DNAJC5: variants seen among roughly 807,000 people sequenced by gnomAD.
The protein encoded by DNAJC5 is dnaJ homolog subfamily C member 5.
In DNAJC5, 1 loss-of-function variant was observed where a neutral mutation model predicts 23.2. The ratio of observed to expected loss-of-function variants is 0.04; its 90% confidence interval spans 0.02 to 0.20. DNAJC5 has a LOEUF of 0.20. Among genes scored for constraint, DNAJC5 ranks in the 10% least tolerant of loss-of-function variants. The probability of loss-of-function intolerance (pLI) is 1.00; values close to 1 mark genes in which losing one functional copy is unlikely to be tolerated. For missense variants in DNAJC5, 180 were observed against 267.0 expected, an observed-to-expected ratio of 0.67 and a Z score of 2.27; for synonymous variants, 136 against 120.0, an observed-to-expected ratio of 1.13 and a Z score of -0.87.
chr20:63,899,865 G>A (rs896633369), intron 1 of DNAJC5, among the ~76,000 whole-genome samples: 30 of 148,388 alleles, frequency 2.0e-4, no homozygotes, highest in African/African-American at 7.0e-4. Context: ...GCAGGTGTGA[G>A]CCACTGCGCC....
At chr20:63,921,443 T>G (rs533214230) in intron 1 of DNAJC5, among the ~76,000 whole-genome samples, 1 of 151,952 alleles carries the variant, frequency 6.6e-6, no homozygotes, top group African/African-American at 2.4e-5. Flanking sequence ...TGCAAAAAAT[T>G]AGCCGGGCGT....
intron 1 of DNAJC5, among the ~76,000 whole-genome samples, chr20:63,923,716 C>T (rs143879845): frequency 1.3e-5 from 2 of 152,042 alleles, no homozygotes; most frequent in African/African-American, 4.8e-5. Context: ...TAAAGTCAGG[C>T]GGGGAAAAGA....
At position 63,931,694 on chromosome 20, in the gene DNAJC5, C is replaced by A; in HGVS notation, c.*126C>A. Reference sequence around the variant, plus strand: ...TGCCCTGGCCTTGCTGGGGCCCCTCCTGCCTCCACGCCCACCCAGCGTCGA... The same window carrying A: ...TGCCCTGGCCTTGCTGGGGCCCCTCATGCCTCCACGCCCACCCAGCGTCGA... On this transcript the variant is annotated 3_prime_UTR_variant, in exon 5 of 5. Transcript: ENST00000360864. This position sits in a 1 kb window ranked among gnomAD's most constrained non-coding sequence, Gnocchi z 9.6. The A allele has an allele frequency of 1.0e-6, 1 of 953,754 alleles. No homozygotes were observed. Among genetic ancestry groups the A allele is most frequent in the Non-Finnish European group, 1.6e-6 (1 of 616,102 alleles). The allele number at this position is 953,754 out of a possible 1,614,324, so 59.1% of individuals were successfully genotyped here.
intron 1 of DNAJC5, among the ~76,000 whole-genome samples, chr20:63,926,607 T>C (rs1438768365): frequency 6.6e-6 from 1 of 152,198 alleles, no homozygotes. Context: ...TGCCATTTGC[T>C]GAAGATTGAG....
rs58327827 is a variant in DNAJC5 at position 63,901,982 on chromosome 20, G to C, written c.-12+6659G>C. On this transcript the variant is annotated intron_variant, in intron 1 of 4. Transcript: ENST00000360864. ...GCGATAGGACTAGCTGTTAAAATCT[G>C]AGATTTTACATTTTTGCCAGTCGCA... Among the ~76,000 whole-genome samples the C allele has an allele frequency of 3.1e-4, 47 of 152,148 alleles. No homozygotes were observed. In the East Asian group the frequency reaches 8.7e-3, roughly 28 times the overall value.
At chr20:63,919,804 C>T (rs762602672) in intron 1 of DNAJC5, 1 of 265,486 alleles carries the variant, frequency 3.8e-6, no homozygotes, top group South Asian at 1.9e-5. Context: ...AGAGGACGCA[C>T]CCGGCTGTGT....
intron 1 of DNAJC5, among the ~76,000 whole-genome samples, chr20:63,897,028 G>A (rs2053380081): frequency 6.6e-6 from 1 of 152,102 alleles, no homozygotes; most frequent in African/African-American, 2.4e-5. Flanking sequence ...GGCTTGGAAG[G>A]GTGCATGGGA....
intron 1 of DNAJC5, among the ~76,000 whole-genome samples, chr20:63,914,923 G>A (rs1190823183): frequency 1.3e-5 from 2 of 152,194 alleles, no homozygotes; most frequent in East Asian, 1.9e-4. Context: ...GCCAGAGTGT[G>A]TAGCTTTTGT....
intron 1 of DNAJC5, among the ~76,000 whole-genome samples, chr20:63,899,109 G>T (rs2053392927): frequency 6.6e-6 from 1 of 152,154 alleles, no homozygotes; most frequent in Non-Finnish European, 1.5e-5. Context: ...TGAGGGTAGT[G>T]GTGCTTCCCC....
chr20:63,931,099 T>G lies in DNAJC5; in HGVS notation c.493+77T>G. On this transcript the variant is annotated intron_variant, in intron 4 of 4. Coordinates refer to ENST00000360864, the MANE Select transcript of DNAJC5 (RefSeq NM_025219.3). The surrounding 1 kb of genome is among the most constrained non-coding windows in gnomAD (Gnocchi z 9.6). ...GGCCCTGAATGGTGTCAACCTGTCT[T>G]GTCAAACAGGAGGGCACTGACACTG... The G allele has an allele frequency of 6.7e-7, 1 of 1,481,914 alleles. No individual in the cohort carries two copies. The highest frequency in any genetic ancestry group is 9.3e-7 in the Non-Finnish European group (1 of 1,072,732). 91.8% of individuals were successfully genotyped at this position (1,481,914 alleles called of 1,614,324 possible). A position where few individuals can be genotyped will look rare whatever the true frequency, so the allele number is the denominator to read the frequency against.
chr20:63,931,407 C>T lies in DNAJC5; in HGVS notation c.494-58C>T, dbSNP rs1011454795. On this transcript the variant is annotated intron_variant, in intron 4 of 4. Coordinates refer to ENST00000360864, the MANE Select transcript of DNAJC5 (RefSeq NM_025219.3). The surrounding 1 kb of genome is among the most constrained non-coding windows in gnomAD (Gnocchi z 9.6). The stretch of plus-strand genomic sequence containing the variant: ...CCCGAAAGTCGCTCCACAGGACCAG[C>T]GTTGGGTGCGCGCCAGGCTGTGGCC... 38 of 1,477,264 alleles carry T rather than the reference C, an allele frequency of 2.6e-5. No homozygotes were observed. The highest frequency in any genetic ancestry group is 2.1e-4 in the African/African-American group (15 of 71,796). The allele number at this position is 1,477,264 out of a possible 1,614,324, so 91.5% of individuals were successfully genotyped here. A position where few individuals can be genotyped will look rare whatever the true frequency, so the allele number is the denominator to read the frequency against.
intron 1 of DNAJC5, among the ~76,000 whole-genome samples, chr20:63,924,041 G>A (rs569882822): frequency 6.6e-6 from 1 of 152,260 alleles, no homozygotes; most frequent in South Asian, 2.1e-4. Flanking sequence ...GCTGTTGTGT[G>A]TGTGTCTTTT....
intron 1 of DNAJC5, among the ~76,000 whole-genome samples, chr20:63,904,794 GTTTT>G (rs1308113730): frequency 6.6e-6 from 1 of 151,106 alleles, no homozygotes; most frequent in Non-Finnish European, 1.5e-5. Flanking sequence ...AACTGTGGGG[GTTTT>G]TTTGTTTGTT....
rs1217736216 is a variant in DNAJC5, at chr20:63,931,421, C to T, written c.494-44C>T. On this transcript the variant is annotated intron_variant, in intron 4 of 4. Coordinates refer to ENST00000360864, the MANE Select transcript of DNAJC5 (RefSeq NM_025219.3). The surrounding 1 kb of genome is among the most constrained non-coding windows in gnomAD (Gnocchi z 9.6). Reference sequence around the variant, plus strand: ...CACAGGACCAGCGTTGGGTGCGCGCCAGGCTGTGGCCCTCGTGCAGTGCCC... The same window carrying T: ...CACAGGACCAGCGTTGGGTGCGCGCTAGGCTGTGGCCCTCGTGCAGTGCCC... The T allele has an allele frequency of 1.3e-6, 2 of 1,517,648 alleles. No homozygotes were observed. The highest frequency in any genetic ancestry group is 1.4e-5 in the African/African-American group (1 of 72,738). 94.0% of individuals were successfully genotyped at this position (1,517,648 alleles called of 1,614,324 possible).
chr20:63,929,256 C>T lies in DNAJC5; in HGVS notation c.108-56C>T, dbSNP rs546199919. Reference sequence around the variant, plus strand: ...CGTGCGGGTGGGATGGACGCGGCGGCGGGTGCGGGTGGAACAAAGTCCAGG... The same window carrying T: ...CGTGCGGGTGGGATGGACGCGGCGGTGGGTGCGGGTGGAACAAAGTCCAGG... On this transcript the variant is annotated intron_variant, in intron 2 of 4. Coordinates refer to ENST00000360864, the MANE Select transcript of DNAJC5 (RefSeq NM_025219.3). This position sits in a 1 kb window ranked among gnomAD's most constrained non-coding sequence, Gnocchi z 8.6. 87 of 1,565,752 alleles carry T rather than the reference C, an allele frequency of 5.6e-5. No homozygotes were observed. The highest frequency in any genetic ancestry group is 1.9e-4 in the East Asian group (8 of 41,816).
intron 1 of DNAJC5, among the ~76,000 whole-genome samples, chr20:63,900,627 C>G (rs1481470346): frequency 6.8e-6 from 1 of 148,108 alleles, no homozygotes; most frequent in Non-Finnish European, 1.5e-5. Context: ...CAATAATTTC[C>G]TCCTCAGGAC....
intron 1 of DNAJC5, among the ~76,000 whole-genome samples, chr20:63,916,579 T>C (rs1337122554): frequency 6.6e-6 from 1 of 152,210 alleles, no homozygotes; most frequent in Non-Finnish European, 1.5e-5. Flanking sequence ...GTGCATGTAT[T>C]GTCTTGATAA....
chr20:63,912,143 C>T (rs1441648620), intron 1 of DNAJC5, among the ~76,000 whole-genome samples: 1 of 151,934 alleles, frequency 6.6e-6, no homozygotes, highest in Non-Finnish European at 1.5e-5. Flanking sequence ...TCTCTGCTAA[C>T]AATACAAAAA....
At chr20:63,913,636 C>T (rs757840598) in intron 1 of DNAJC5, among the ~76,000 whole-genome samples, 1 of 151,996 alleles carries the variant, frequency 6.6e-6, no homozygotes, top group Non-Finnish European at 1.5e-5. Flanking sequence ...TGCAGTGGTG[C>T]CATCTTGGCT....
Sources: allele counts gnomAD v4.1 joint callset (sites outside exome capture counted in the v4.1 genomes callset), GRCh38; gene constraint gnomAD v4.1.1; non-coding constraint Gnocchi (gnomAD v3.1); transcripts MANE v1.5; gene names NCBI Gene and HGNC (gene_info 2026-07-23, HGNC 2026-07-21).